FRAS1: variants seen among roughly 807,000 people sequenced by gnomAD.
The protein encoded by FRAS1 is extracellular matrix organizing protein FRAS1.
In FRAS1, 290 loss-of-function variants were observed where a neutral mutation model predicts 435.2. The ratio of observed to expected loss-of-function variants is 0.67; its 90% CI spans 0.61 to 0.73. The LOEUF (loss-of-function observed/expected upper bound fraction) is 0.73. FRAS1 is among the 30% of genes least tolerant of loss of function. The pLI is 0.00. For missense variants in FRAS1, 4,860 were observed against 5,001.5 expected (o/e 0.97, Z 0.85); for synonymous variants, 1,800 against 1,851.0 (o/e 0.97, Z 0.71).
chr4:78,168,342 T>C lies in FRAS1; in HGVS notation c.109-69168T>C, dbSNP rs371774561. Among the ~76,000 whole-genome samples, 4 of 152,148 alleles carry C rather than the reference T, an allele frequency of 2.6e-5. No homozygotes were observed. In the East Asian group the frequency reaches 5.8e-4, roughly 22 times the overall value. On this transcript the variant is annotated intron_variant, in intron 2 of 73. Transcript: ENST00000512123. ...AAGGTTCCTTTCCCTCAGCTGCTCC[T>C]TGAAGAAGGCTGGATTTACCAAAGA...
intron 64 of FRAS1, 49 bp from the exon 65 acceptor site, chr4:78,513,343 C>G: frequency 1.9e-6 from 3 of 1,583,874 alleles, no homozygotes. Context: ...GTCCTATTGA[C>G]CATTTATAGC....
chr4:78,369,043 C>T (rs753828533), intron 22 of FRAS1, among the ~76,000 whole-genome samples: 2 of 152,110 alleles, frequency 1.3e-5, no homozygotes, highest in Non-Finnish European at 2.9e-5. Flanking sequence ...ATGGGGAAAC[C>T]AATTAGGAGG....
intron 2 of FRAS1, among the ~76,000 whole-genome samples, chr4:78,118,753 C>A (rs1425178890): frequency 6.6e-6 from 1 of 152,180 alleles, no homozygotes; most frequent in Non-Finnish European, 1.5e-5. Flanking sequence ...AATTCCCTGA[C>A]CCCTTGCCCT....
At chr4:78,498,458 A>T (rs976134777) in intron 60 of FRAS1, among the ~76,000 whole-genome samples, 2 of 151,732 alleles carry the variant, frequency 1.3e-5, no homozygotes, top group African/African-American at 4.8e-5. Context: ...GTGAGCTGAG[A>T]TCGTGCCATT....
chr4:78,355,425 A>G (rs1372406313), intron 20 of FRAS1, among the ~76,000 whole-genome samples: 2 of 152,154 alleles, frequency 1.3e-5, no homozygotes, highest in African/African-American at 4.8e-5. Flanking sequence ...TGTAATTGCA[A>G]TAGTGACAAA....
intron 2 of FRAS1, among the ~76,000 whole-genome samples, chr4:78,206,866 C>G (rs1032659317): frequency 6.6e-6 from 1 of 152,174 alleles, no homozygotes; most frequent in Non-Finnish European, 1.5e-5. Flanking sequence ...CCTCTTTCTG[C>G]TCTTGGGAAT....
At chr4:78,194,026 T>A (rs1017445373) in intron 2 of FRAS1, among the ~76,000 whole-genome samples, 7 of 152,180 alleles carry the variant, frequency 4.6e-5, no homozygotes, top group African/African-American at 1.7e-4. Context: ...CTCCTTCACT[T>A]ATGAAGCTTA....
chr4:78,319,349 G>A (rs1036346970), intron 18 of FRAS1: 2 of 461,190 alleles, frequency 4.3e-6, no homozygotes, highest in Admixed American at 2.3e-5. Flanking sequence ...AATATGAATT[G>A]GTCCCTTCAG....
intron 14 of FRAS1, among the ~76,000 whole-genome samples, chr4:78,307,499 T>A (rs886516599): frequency 6.6e-6 from 1 of 152,160 alleles, no homozygotes; most frequent in East Asian, 1.9e-4. Flanking sequence ...CAGCTAGCAA[T>A]CAGCGAGACT....
chr4:78,441,383 TGGAGAACTACAGA>T (rs1560730053), intron 41 of FRAS1, 86 bp downstream of exon 41: 1 of 1,274,258 alleles, frequency 7.8e-7, no homozygotes, highest in Non-Finnish European at 1.1e-6. Flanking sequence ...AAGATGGAGA[TGGAGAACTACAGA>T]GGAGGGGAAC....
At chr4:78,062,361 A>G (rs543621864) in intron 1 of FRAS1, among the ~76,000 whole-genome samples, 14 of 152,348 alleles carry the variant, frequency 9.2e-5, no homozygotes, top group Admixed American at 2.6e-4. Flanking sequence ...TTCTATTTTA[A>G]GTATTCCACA....
chr4:78,279,900 G>A (rs1727247619), intron 10 of FRAS1, among the ~76,000 whole-genome samples: 1 of 152,104 alleles, frequency 6.6e-6, no homozygotes, highest in African/African-American at 2.4e-5. Flanking sequence ...GAATAGTACT[G>A]ATCCTGATTG....
At chr4:78,319,848 TA>T (rs1729429047) in intron 18 of FRAS1, among the ~76,000 whole-genome samples, 2 of 152,296 alleles carry the variant, frequency 1.3e-5, no homozygotes, top group East Asian at 3.9e-4. Context: ...AAGACTAGGT[TA>T]AAAGATTTCA....
intron 2 of FRAS1, chr4:78,181,791 C>A (rs1482895928): frequency 9.3e-6 from 15 of 1,611,664 alleles, no homozygotes; most frequent in Middle Eastern, 2.2e-4. Context: ...ACCACGCCAA[C>A]GCTGCGGGGC....
At chr4:78,231,895 T>C (rs1724532736) in intron 2 of FRAS1, among the ~76,000 whole-genome samples, 1 of 152,182 alleles carries the variant, frequency 6.6e-6, no homozygotes, top group African/African-American at 2.4e-5. Flanking sequence ...TTTACAAAGA[T>C]ATTTTGATTG....
intron 2 of FRAS1, among the ~76,000 whole-genome samples, chr4:78,078,077 C>T (rs1213017889): frequency 6.6e-6 from 1 of 152,064 alleles, no homozygotes; most frequent in Non-Finnish European, 1.5e-5. Context: ...CACTGTTTGG[C>T]TAGCTATTTT....
chr4:78,180,542 G>A (rs892277188), intron 2 of FRAS1, among the ~76,000 whole-genome samples: 11 of 152,058 alleles, frequency 7.2e-5, no homozygotes, highest in African/African-American at 2.7e-4. Context: ...GGTACACACT[G>A]TTCACACCTA....
At chr4:78,303,371 G>C (rs1728525253) in intron 14 of FRAS1, among the ~76,000 whole-genome samples, 1 of 152,164 alleles carries the variant, frequency 6.6e-6, no homozygotes, top group South Asian at 2.1e-4. Context: ...GAACTTTAAA[G>C]TAGTTTTTTC....
chr4:78,499,240 A>G (rs1720604670), intron 60 of FRAS1, among the ~76,000 whole-genome samples: 1 of 152,310 alleles, frequency 6.6e-6, no homozygotes, highest in African/African-American at 2.4e-5. Flanking sequence ...AAAGGACCAG[A>G]GGTGAGGGGT....
Sources: gnomAD v4.1 joint callset for allele counts (sites outside exome capture counted in the v4.1 genomes callset) on GRCh38, gnomAD v4.1.1 for gene constraint, MANE v1.5 for transcripts, NCBI Gene and HGNC (gene_info 2026-07-23, HGNC 2026-07-21) for gene names.